The following DERA variants were observed in gnomAD, a reference collection of about 807,000 sequenced individuals.
DERA encodes the protein 2-deoxy-D-ribose 5-phosphate aldolase.
In DERA, 15 loss-of-function variants were observed where a neutral mutation model predicts 41.1. The ratio of observed to expected loss-of-function variants is 0.37; its 90% CI spans 0.24 to 0.56. DERA has a LOEUF of 0.56. DERA is among the 20% of genes least tolerant of loss of function. The probability of loss-of-function intolerance (pLI) is 0.81; values close to 1 mark genes in which losing one functional copy is unlikely to be tolerated. For missense variants in DERA, 396 were observed against 403.4 expected (o/e 0.98, Z 0.16); for synonymous variants, 139 against 137.4 (o/e 1.01, Z -0.08).
chr12:15,938,308 A>T lies in DERA; in HGVS notation c.32-18628A>T, dbSNP rs1235004589. On this transcript the variant is annotated intron_variant, in intron 1 of 8. Coordinates refer to ENST00000428559, the MANE Select transcript of DERA (RefSeq NM_015954.4). The surrounding 1 kb of genome is among the most constrained non-coding windows in gnomAD (Gnocchi z 4.1). ...AAAATTATATAATTAAAAATATTGA[A>T]TGATACATTGCCTTTATTTTATTGG... 6.6e-6 allele frequency among the ~76,000 whole-genome samples: 1 copy of T among 152,216 alleles called. No individual in the cohort carries two copies. The highest frequency in any genetic ancestry group is 1.5e-5 in the Non-Finnish European group (1 of 68,024).
chr12:15,929,100 G>T (rs1455918641), intron 1 of DERA, among the ~76,000 whole-genome samples: 1 of 152,198 alleles, frequency 6.6e-6, no homozygotes, highest in African/African-American at 2.4e-5. Context: ...GTGTCCCTGT[G>T]GAGCCCCACT....
intron 1 of DERA, among the ~76,000 whole-genome samples, chr12:15,926,189 G>A (rs895018849): frequency 2.0e-5 from 3 of 151,702 alleles, no homozygotes; most frequent in African/African-American, 7.3e-5. Flanking sequence ...CTTTTCTGAG[G>A]CACTGTTTTT....
Position 15,970,187 on chromosome 12 carries a change from T to A in DERA, c.508+7240T>A, listed in dbSNP as rs1389888011. Among the ~76,000 whole-genome samples the A allele has an allele frequency of 6.6e-6, 1 of 152,230 alleles. No individual in the cohort carries two copies. Among genetic ancestry groups the A allele is most frequent in the Non-Finnish European group, 1.5e-5 (1 of 68,026 alleles). On this transcript the variant is annotated intron_variant, in intron 5 of 8. Transcript: ENST00000428559. The surrounding 1 kb of genome is among the most constrained non-coding windows in gnomAD (Gnocchi z 4.3). ...TTTATATTAAGTGTTTTACTGTACA[T>A]ATAATTATCTTAAGAGTTATTTTCA...
In DERA at chr12:16,036,446, T is replaced by A; in HGVS notation, c.900+65T>A. 1 of 1,515,328 alleles carries A rather than the reference T, an allele frequency of 6.6e-7. No homozygotes were observed. Among genetic ancestry groups the A allele is most frequent in the South Asian group, 1.3e-5 (1 of 77,294 alleles). The allele number at this position is 1,515,328 out of a possible 1,614,324, so 93.9% of individuals were successfully genotyped here. ...GTTTTTTGAGAAAGGAATTGAAAAG[T>A]CAAATTGAGAACTGGAGATAAAAAC... is the stretch of plus-strand genomic sequence containing the variant. On this transcript the variant is annotated intron_variant, in intron 8 of 8. Coordinates refer to ENST00000428559, the MANE Select transcript of DERA (RefSeq NM_015954.4). The surrounding 1 kb of genome is among the most constrained non-coding windows in gnomAD (Gnocchi z 4.9).
intron 5 of DERA, among the ~76,000 whole-genome samples, chr12:15,971,352 G>C (rs1425765230): frequency 6.6e-6 from 1 of 152,124 alleles, no homozygotes; most frequent in Non-Finnish European, 1.5e-5. Flanking sequence ...TGGTATGTCT[G>C]CTGGAATTTC....
In DERA at chr12:15,965,341, T is replaced by G. The variant is rs900897206; in HGVS notation, c.508+2394T>G. ...GGTACATGTGCAGAATGTGCAGGTT[T>G]GTTGCATAGGTAAACGTGTGCCATG... is the stretch of plus-strand genomic sequence containing the variant. On this transcript the variant is annotated intron_variant, in intron 5 of 8. Coordinates refer to ENST00000428559, the MANE Select transcript of DERA (RefSeq NM_015954.4). The surrounding 1 kb of genome is among the most constrained non-coding windows in gnomAD (Gnocchi z 4.1). Among the ~76,000 whole-genome samples the G allele has an allele frequency of 6.6e-6, 1 of 152,190 alleles. No individual in the cohort carries two copies. Among genetic ancestry groups the G allele is most frequent in the Non-Finnish European group, 1.5e-5 (1 of 68,032 alleles).
rs1469156910 is a variant in DERA, at chr12:15,941,587, C to T, written c.32-15349C>T. Among the ~76,000 whole-genome samples, 1 of 152,164 alleles carries T rather than the reference C, an allele frequency of 6.6e-6. No homozygotes were observed. Among genetic ancestry groups the T allele is most frequent in the South Asian group, 2.1e-4 (1 of 4,836 alleles). The stretch of plus-strand genomic sequence containing the variant: ...TATCATCCTTATGCCTTTGTGTCCT[C>T]ACAGCTTAGCCCCCACTTATAAGTG... On this transcript the variant is annotated intron_variant, in intron 1 of 8. Transcript: ENST00000428559. The surrounding 1 kb of genome is among the most constrained non-coding windows in gnomAD (Gnocchi z 4.5).
Position 15,911,884 on chromosome 12 carries a change from C to G in DERA, c.31+470C>G, listed in dbSNP as rs1220456082. The G allele has an allele frequency of 7.1e-6, 3 of 420,338 alleles. No individual in the cohort carries two copies. The highest frequency in any genetic ancestry group is 5.5e-5 in the Admixed American group (2 of 36,424). 26.0% of individuals were successfully genotyped at this position (420,338 alleles called of 1,614,324 possible). ...TGCTCGTGGAAAAGTTGTCAGCCGT[C>G]TGTGCTCAAAATGTAACACTGCAGA... is the stretch of plus-strand genomic sequence containing the variant. On this transcript the variant is annotated intron_variant, in intron 1 of 8. Coordinates refer to ENST00000428559, the MANE Select transcript of DERA (RefSeq NM_015954.4). This position sits in a 1 kb window ranked among gnomAD's most constrained non-coding sequence, Gnocchi z 4.5.
Position 15,913,651 on chromosome 12 carries a change from C to T in DERA, c.31+2237C>T, listed in dbSNP as rs1948180028. On this transcript the variant is annotated intron_variant, in intron 1 of 8. Coordinates refer to ENST00000428559, the MANE Select transcript of DERA (RefSeq NM_015954.4). This position sits in a 1 kb window ranked among gnomAD's most constrained non-coding sequence, Gnocchi z 4.5. ...TGTTATTTATGATTTGGTGTATGTA[C>T]TTCTAGTTCATGGACTTAAAAAAAC... 6.6e-6 allele frequency among the ~76,000 whole-genome samples: 1 copy of T among 152,042 alleles called. No homozygotes were observed. The highest frequency in any genetic ancestry group is 2.4e-5 in the African/African-American group (1 of 41,390).
chr12:15,951,180 G>T lies in DERA; in HGVS notation c.32-5756G>T, dbSNP rs1174907364. Among the ~76,000 whole-genome samples the T allele has an allele frequency of 2.0e-5, 3 of 152,232 alleles. No individual in the cohort carries two copies. In the East Asian group the frequency reaches 5.8e-4, roughly 29 times the overall value. ...CACAGACCCCTGCCCATGGGTAGGA[G>T]CACAGCTATGGGTGGGCCAGAGCAG... On this transcript the variant is annotated intron_variant, in intron 1 of 8. Coordinates refer to ENST00000428559, the MANE Select transcript of DERA (RefSeq NM_015954.4).
At position 16,012,629 on chromosome 12, in the gene DERA, A is replaced by G. The variant is rs185669467; in HGVS notation, c.638-19913A>G. On this transcript the variant is annotated intron_variant, in intron 6 of 8. Transcript: ENST00000428559. This position sits in a 1 kb window ranked among gnomAD's most constrained non-coding sequence, Gnocchi z 4.1. ...ACAGGGGATCTTCTTATTCTATTCT[A>G]CCTCTAGGCAGAATTAAGCCTTTTT... 7.5e-4 allele frequency among the ~76,000 whole-genome samples: 114 copies of G among 152,292 alleles called. No homozygotes were observed. Among genetic ancestry groups the G allele is most frequent in the African/African-American group, 2.0e-3 (83 of 41,564 alleles).
At chr12:15,968,733 T>C (rs543547820) in intron 5 of DERA, among the ~76,000 whole-genome samples, 164 of 152,352 alleles carry the variant, frequency 1.1e-3, no homozygotes, top group South Asian at 2.9e-3. Context: ...TTAGATAATG[T>C]ATGTAAAATA....
At position 15,959,450 on chromosome 12, in the gene DERA, C is replaced by T. The variant is rs191184540; in HGVS notation, c.278-379C>T. On this transcript the variant is annotated intron_variant, in intron 3 of 8. Transcript: ENST00000428559. The surrounding 1 kb of genome is among the most constrained non-coding windows in gnomAD (Gnocchi z 4.5). The stretch of plus-strand genomic sequence containing the variant: ...ATATTTGTCTTCATCTGTCCTTCTT[C>T]AAACTGTCCTTTCTTCAGGTATGTC... Among the ~76,000 whole-genome samples, 1 of 152,314 alleles carries T rather than the reference C, an allele frequency of 6.6e-6. No homozygotes were observed. Among genetic ancestry groups the T allele is most frequent in the Non-Finnish European group, 1.5e-5 (1 of 68,018 alleles).
intron 1 of DERA, among the ~76,000 whole-genome samples, chr12:15,955,665 A>G (rs1312770220): frequency 6.6e-6 from 1 of 152,226 alleles, no homozygotes; most frequent in African/African-American, 2.4e-5. Flanking sequence ...ATCATTATTA[A>G]TCACTCAGAG....
At position 16,000,232 on chromosome 12, in the gene DERA, C is replaced by T. The variant is rs531148694; in HGVS notation, c.637+17796C>T. ...TGTTTCCATTTATAAGACCTGCACCCGTTCATTCTATTATTGGTTTATTGC... is the reference window on the plus strand; with the variant it reads ...TGTTTCCATTTATAAGACCTGCACCTGTTCATTCTATTATTGGTTTATTGC... On this transcript the variant is annotated intron_variant, in intron 6 of 8. Transcript: ENST00000428559. The surrounding 1 kb of genome is among the most constrained non-coding windows in gnomAD (Gnocchi z 4.8). Among the ~76,000 whole-genome samples, 2 of 152,268 alleles carry T rather than the reference C, an allele frequency of 1.3e-5. No homozygotes were observed. The highest frequency in any genetic ancestry group is 1.9e-4 in the East Asian group (1 of 5,182).
At chr12:15,912,116 A>G (rs928817378) in intron 1 of DERA, among the ~76,000 whole-genome samples, 7 of 151,858 alleles carry the variant, frequency 4.6e-5, no homozygotes, top group African/African-American at 1.7e-4. Context: ...GTCAGCTGAT[A>G]AACAAGTGAA....
intron 5 of DERA, among the ~76,000 whole-genome samples, chr12:15,964,794 A>G (rs936970184): frequency 1.3e-5 from 2 of 152,218 alleles, no homozygotes; most frequent in Admixed American, 1.3e-4. Context: ...GGTTTATATT[A>G]TGCTACTAAT....
In DERA at chr12:15,985,097, C is replaced by G. The variant is rs1948755594; in HGVS notation, c.637+2661C>G. The G allele has an allele frequency of 6.6e-6, 1 of 152,228 alleles. No individual in the cohort carries two copies. Among genetic ancestry groups the G allele is most frequent in the Non-Finnish European group, 1.5e-5 (1 of 68,046 alleles). 9.4% of individuals were successfully genotyped at this position (152,228 alleles called of 1,614,324 possible). ...CCACTACTCCCTTCAAGACACAGAT[C>G]ATTTCCATCCTCCTAGAAATATCTT... is the stretch of plus-strand genomic sequence containing the variant. On this transcript the variant is annotated intron_variant, in intron 6 of 8. Coordinates refer to ENST00000428559, the MANE Select transcript of DERA (RefSeq NM_015954.4). This position sits in a 1 kb window ranked among gnomAD's most constrained non-coding sequence, Gnocchi z 4.2.
At chr12:15,929,580 C>A (rs1484949733) in intron 1 of DERA, among the ~76,000 whole-genome samples, 1 of 152,094 alleles carries the variant, frequency 6.6e-6, no homozygotes, top group Non-Finnish European at 1.5e-5. Flanking sequence ...TTCCAAGCTT[C>A]TTCTGTGTGT....
Sources: gnomAD v4.1 joint callset for allele counts (sites outside exome capture counted in the v4.1 genomes callset) on GRCh38, gnomAD v4.1.1 for gene constraint, Gnocchi (gnomAD v3.1) non-coding constraint, MANE v1.5 for transcripts, NCBI Gene and HGNC (gene_info 2026-07-23, HGNC 2026-07-21) for gene names.